The following GFM2 variants were observed in gnomAD, a reference collection of about 807,000 sequenced individuals.
GFM2 encodes the protein ribosome-releasing factor 2, mitochondrial.
A neutral mutation model predicts 95.4 loss-of-function variants in GFM2; 72 were observed. The observed-to-expected ratio is 0.76, with a 90% confidence interval of 0.62 to 0.92. The LOEUF (loss-of-function observed/expected upper bound fraction) is 0.92. GFM2 is among the 40% of genes least tolerant of loss of function. GFM2 has a pLI of 0.00. For synonymous variants in GFM2, 276 were observed against 317.5 expected, an observed-to-expected ratio of 0.87 and a Z score of 1.39; for missense variants, 825 against 924.1, an observed-to-expected ratio of 0.89 and a Z score of 1.39.
chr5:74,751,353 G>A lies in GFM2; in HGVS notation c.430+15C>T, dbSNP rs376643899. On this transcript the variant is annotated intron_variant, in intron 6 of 20. Transcript: ENST00000296805. ...AATGACGCAGCATCTCTGTGTTACT[G>A]GAATCGTACCATACCTGGTGTATCA... 6.9e-6 allele frequency: 11 copies of A among 1,605,302 alleles called. No individual in the cohort carries two copies. The African/African-American group carries it at 1.2e-4, about 18-fold the overall frequency.
chr5:74,766,183 G>C (rs1580041579), intron 1 of GFM2, among the ~76,000 whole-genome samples: 1 of 152,076 alleles, frequency 6.6e-6, no homozygotes, highest in East Asian at 1.9e-4. Context: ...GCGCGAGCCT[G>C]TAGCTCGCTA....
intron 17 of GFM2, among the ~76,000 whole-genome samples, chr5:74,727,727 A>T (rs1161694948): frequency 6.6e-6 from 1 of 152,142 alleles, no homozygotes; most frequent in Non-Finnish European, 1.5e-5. Flanking sequence ...ACATAGCATG[A>T]TATTCCATTA....
At chr5:74,738,116 T>A (rs1045423708) in intron 14 of GFM2, among the ~76,000 whole-genome samples, 27 of 152,268 alleles carry the variant, frequency 1.8e-4, no homozygotes, top group African/African-American at 6.5e-4. Flanking sequence ...ATACAATCCA[T>A]CCCGTCTGTG....
Position 74,758,927 on chromosome 5 carries a change from T to TA in GFM2, c.225dup (p.Met76TyrfsTer5), listed in dbSNP as rs1158157215. 6.2e-7 allele frequency: 1 copy of TA among 1,605,182 alleles called. No homozygotes were observed. Among genetic ancestry groups the TA allele is most frequent in the African/African-American group, 1.3e-5 (1 of 74,626 alleles). ...GTTTTGCCTGCATCAATATGAGCCA[T>TA]AATTCCAATATTACGGATTCTGTTT... is the stretch of plus-strand genomic sequence containing the variant. On this transcript the variant is annotated frameshift_variant, in exon 5 of 21. Transcript: ENST00000296805. LOFTEE classifies it high-confidence loss of function.
rs1744247808 is a variant in GFM2, at chr5:74,760,910, G to C, written c.140C>G (p.Ser47Cys). ...PHVPLGRNCS[S>C]LPGLIGNDIK... is the part of the protein sequence containing the mutation. Reference sequence around the variant, plus strand: ...GACTCTAACATTTGTACCTGGTAGAGAACTGCAATTTCTTCCAAGCGGCAC... The same window carrying C: ...GACTCTAACATTTGTACCTGGTAGACAACTGCAATTTCTTCCAAGCGGCAC... Residue 47 changes from serine (S) to cysteine (C), a missense_variant, in exon 3 of 21, where the codon TCT (serine) becomes TGT (cysteine). Transcript: ENST00000296805. The C allele has an allele frequency of 6.3e-7, 1 of 1,598,970 alleles. No homozygotes were observed. Among genetic ancestry groups the C allele is most frequent in the South Asian group, 1.1e-5 (1 of 90,030 alleles).
intron 5 of GFM2, among the ~76,000 whole-genome samples, chr5:74,756,125 T>TA (rs1447024960): frequency 1.2e-4 from 19 of 152,254 alleles, no homozygotes; most frequent in Non-Finnish European, 1.5e-4. Flanking sequence ...ATCATCTCAA[T>TA]AGACTCAGAA....
intron 2 of GFM2, among the ~76,000 whole-genome samples, chr5:74,762,122 T>C (rs983130433): frequency 6.6e-6 from 1 of 152,172 alleles, no homozygotes; most frequent in African/African-American, 2.4e-5. Context: ...TTCTTCAAAA[T>C]GCTGCTCAGG....
At chr5:74,741,243 C>G (rs1207177211) in intron 11 of GFM2, among the ~76,000 whole-genome samples, 1 of 152,006 alleles carries the variant, frequency 6.6e-6, no homozygotes, top group African/African-American at 2.4e-5. Context: ...GAGGAATTAT[C>G]AGAATGAAAA....
chr5:74,764,430 G>A (rs751436478), intron 1 of GFM2, among the ~76,000 whole-genome samples: 10 of 152,154 alleles, frequency 6.6e-5, no homozygotes, highest in Admixed American at 2.0e-4. Context: ...GCCACATGCG[G>A]CCCACGATAT....
chr5:74,757,957 G>C (rs1744084703), intron 5 of GFM2, among the ~76,000 whole-genome samples: 1 of 152,152 alleles, frequency 6.6e-6, no homozygotes, highest in East Asian at 1.9e-4. Context: ...AATGGGAGTT[G>C]TTTAATGGGT....
chr5:74,722,107 A>G (rs1290261563), intron 20 of GFM2, among the ~76,000 whole-genome samples: 1 of 152,216 alleles, frequency 6.6e-6, no homozygotes, highest in Non-Finnish European at 1.5e-5. Context: ...TGGTGGAAGT[A>G]AGATAAATGC....
intron 15 of GFM2, chr5:74,733,308 T>A: frequency 2.6e-6 from 1 of 385,546 alleles, no homozygotes; most frequent in Non-Finnish European, 4.6e-6. Context: ...CTGGGCAACA[T>A]GGCGAAACCC....
At chr5:74,728,243 T>C (rs1427628084) in intron 17 of GFM2, among the ~76,000 whole-genome samples, 1 of 152,148 alleles carries the variant, frequency 6.6e-6, no homozygotes, top group East Asian at 1.9e-4. Context: ...TATAGAATAC[T>C]GTTAACAGGA....
At chr5:74,754,063 C>A (rs1278742605) in intron 5 of GFM2, among the ~76,000 whole-genome samples, 1 of 152,092 alleles carries the variant, frequency 6.6e-6, no homozygotes, top group Non-Finnish European at 1.5e-5. Flanking sequence ...CTACTTTAGC[C>A]TCCTTAAACA....
intron 5 of GFM2, among the ~76,000 whole-genome samples, chr5:74,755,290 T>C (rs1743922497): frequency 6.6e-6 from 1 of 151,946 alleles, no homozygotes; most frequent in African/African-American, 2.4e-5. Flanking sequence ...TATCAAGTAC[T>C]CTCTCATATC....
rs1175708801 is a variant in GFM2, at chr5:74,721,283, A to G, written c.*372T>C. On this transcript the variant is annotated 3_prime_UTR_variant, in exon 21 of 21. Transcript: ENST00000296805. ...TTTTTTGAATAAAATATTTTTATTG[A>G]TTGAACCTTTGACCCTCTATCTTAT... The G allele has an allele frequency of 1.1e-6, 1 of 948,362 alleles. No individual in the cohort carries two copies. The highest frequency in any genetic ancestry group is 1.7e-6 in the Non-Finnish European group (1 of 591,328). 58.7% of individuals were successfully genotyped at this position (948,362 alleles called of 1,614,324 possible). A position where few individuals can be genotyped will look rare whatever the true frequency, so the allele number is the denominator to read the frequency against.
At chr5:74,745,300 G>A (rs1344530589) in intron 10 of GFM2, among the ~76,000 whole-genome samples, 6 of 152,168 alleles carry the variant, frequency 3.9e-5, no homozygotes, top group Non-Finnish European at 8.8e-5. Context: ...AGCTGAGATT[G>A]TGCCACTGCA....
chr5:74,723,382 C>A (rs551224490), intron 19 of GFM2, among the ~76,000 whole-genome samples: 1 of 152,180 alleles, frequency 6.6e-6, no homozygotes, highest in South Asian at 2.1e-4. Context: ...TCATCATTTT[C>A]TTCTCCAAAC....
intron 16 of GFM2, 116 bp downstream of exon 16, chr5:74,732,906 G>C: frequency 1.9e-6 from 1 of 537,508 alleles, no homozygotes; most frequent in African/African-American, 2.0e-5. Context: ...TTTTCTTTCA[G>C]GACACAGACT....
Sources: gnomAD v4.1 joint callset for allele counts (sites outside exome capture counted in the v4.1 genomes callset) on GRCh38, gnomAD v4.1.1 for gene constraint, MANE v1.5 for transcripts, NCBI Gene and HGNC (gene_info 2026-07-23, HGNC 2026-07-21) for gene names.